FBLN7: variants seen among roughly 807,000 people sequenced by gnomAD.
The protein encoded by FBLN7 is fibulin 7, also known as fibulin-7.
FBLN7 carries 31 observed loss-of-function variants against 44.0 expected under a neutral mutation model. The observed-to-expected ratio is 0.70, with a 90% CI of 0.53 to 0.95. FBLN7 has a LOEUF of 0.95. Ranked by LOEUF, FBLN7 falls within the 40% of genes least tolerant of loss-of-function variation. The probability of loss-of-function intolerance (pLI) is 0.00; values close to 1 mark genes in which losing one functional copy is unlikely to be tolerated. For synonymous variants in FBLN7, 262 were observed against 253.4 expected (o/e 1.03, Z -0.32); for missense variants, 573 against 618.5 (o/e 0.93, Z 0.78).
At chr2:112,180,877 C>G (rs376844091) in intron 4 of FBLN7, among the ~76,000 whole-genome samples, 1 of 122,436 alleles carries the variant, frequency 8.2e-6, no homozygotes, top group Non-Finnish European at 1.6e-5. Flanking sequence ...GAGCGGAGAT[C>G]GTGCCACTGC....
At chr2:112,180,940 A>C (rs1682959389) in intron 4 of FBLN7, among the ~76,000 whole-genome samples, 1 of 150,964 alleles carries the variant, frequency 6.6e-6, no homozygotes. Flanking sequence ...AAAAAAAAAA[A>C]AAAAACGAAA....
At position 112,182,599 on chromosome 2, in the gene FBLN7, A is replaced by T. The variant is rs563908338; in HGVS notation, c.671-192A>T. On this transcript the variant is annotated intron_variant, in intron 5 of 7. Transcript: ENST00000331203. Reference sequence around the variant, plus strand: ...TTTTAGCCCTCTGGGCCCTCGGCTTAGGAGAAAGGGAAGCACACCTGCTCC... The same window carrying T: ...TTTTAGCCCTCTGGGCCCTCGGCTTTGGAGAAAGGGAAGCACACCTGCTCC... Among the ~76,000 whole-genome samples the T allele has an allele frequency of 7.3e-4, 111 of 152,250 alleles. 1 individual carries two copies. Among genetic ancestry groups the T allele is most frequent in the African/African-American group, 2.4e-3 (101 of 41,556 alleles).
chr2:112,224,808 G>A, the FBLN7 span, among the ~76,000 whole-genome samples: 2 of 152,210 alleles, frequency 1.3e-5, no homozygotes, highest in Admixed American at 1.3e-4. Flanking sequence ...GGATGCCTAA[G>A]GTCTGAGAGA....
chr2:112,177,728 AT>A (rs1474968944), intron 4 of FBLN7: 1 of 152,132 alleles, frequency 6.6e-6, no homozygotes, highest in Non-Finnish European at 1.5e-5. Flanking sequence ...GGTAATCACC[AT>A]TCATTCTTCT....
chr2:112,184,717 GTA>G (rs1183216060), intron 6 of FBLN7, among the ~76,000 whole-genome samples: 1 of 37,686 alleles, frequency 2.7e-5, no homozygotes, highest in East Asian at 5.6e-4. Context: ...TATGGTATAT[GTA>G]TATATATGTA....
chr2:112,236,045 C>A, the FBLN7 span, among the ~76,000 whole-genome samples: 1 of 151,806 alleles, frequency 6.6e-6, no homozygotes, highest in Non-Finnish European at 1.5e-5. Context: ...AGGTGGATCA[C>A]CTGAGGTCAG....
At chr2:112,195,354 G>A in the FBLN7 span, among the ~76,000 whole-genome samples, 7 of 152,262 alleles carry the variant, frequency 4.6e-5, no homozygotes, top group South Asian at 1.5e-3. Flanking sequence ...TCAGCCATGC[G>A]GTGGCACTTA....
intron 1 of FBLN7, among the ~76,000 whole-genome samples, chr2:112,156,459 T>C (rs1298607641): frequency 6.6e-6 from 1 of 152,196 alleles, no homozygotes; most frequent in African/African-American, 2.4e-5. Context: ...AGAAGCTCTT[T>C]GTAGACTGAA....
chr2:112,181,901 C>T (rs1683020130), intron 5 of FBLN7, 25 bp downstream of exon 5: 1 of 1,532,796 alleles, frequency 6.5e-7, no homozygotes, highest in Non-Finnish European at 8.7e-7. Flanking sequence ...CGCCAGGACA[C>T]TGGGGACAGC....
chr2:112,173,009 G>A (rs1183762663), intron 3 of FBLN7, among the ~76,000 whole-genome samples: 4 of 152,064 alleles, frequency 2.6e-5, no homozygotes, highest in African/African-American at 4.8e-5. Flanking sequence ...AATTTTCCAG[G>A]GCAAAGTCTT....
the FBLN7 span, among the ~76,000 whole-genome samples, chr2:112,205,800 T>C: frequency 6.6e-6 from 1 of 152,210 alleles, no homozygotes. Flanking sequence ...TGGACTATTC[T>C]AGTTCCTTTG....
At chr2:112,230,819 TTTGAGAACC>T in the FBLN7 span, 147 of 852,870 alleles carry the variant, frequency 1.7e-4, no homozygotes, top group Non-Finnish European at 2.1e-4. Context: ...AATACTTCTA[TTTGAGAACC>T]CTATTGAGGT....
downstream of FBLN7, among the ~76,000 whole-genome samples, chr2:112,191,422 C>T (rs796682851): frequency 6.5e-4 from 99 of 152,238 alleles, 1 homozygote; most frequent in African/African-American, 2.2e-3. Context: ...GTGGTCTGCC[C>T]GCCTCGGCCT....
intron 1 of FBLN7, among the ~76,000 whole-genome samples, chr2:112,145,325 G>A (rs1680851545): frequency 1.3e-5 from 2 of 151,944 alleles, no homozygotes; most frequent in Admixed American, 6.6e-5. Context: ...TTTTTGAGAT[G>A]GGGTCTTTCT....
At chr2:112,169,940 T>G (rs1265332403) in intron 3 of FBLN7, among the ~76,000 whole-genome samples, 1 of 151,934 alleles carries the variant, frequency 6.6e-6, no homozygotes, top group Non-Finnish European at 1.5e-5. Context: ...CAGACACTGT[T>G]TTAAGAAAAG....
chr2:112,141,840 G>A (rs769971130), intron 1 of FBLN7, among the ~76,000 whole-genome samples: 4 of 152,176 alleles, frequency 2.6e-5, no homozygotes, highest in East Asian at 1.9e-4. Flanking sequence ...AGGTGAGACC[G>A]AAGCACTTGT....
chr2:112,152,120 G>A (rs1681187617), intron 1 of FBLN7: 1 of 152,244 alleles, frequency 6.6e-6, no homozygotes, highest in Non-Finnish European at 1.5e-5. Context: ...ACTCACGAAG[G>A]TTCTCTGTGC....
At position 112,184,218 on chromosome 2, in the gene FBLN7, A is replaced by G. The variant is rs917017161; in HGVS notation, c.809-983A>G. ...TGGACTTCCCCCATGGAAACAGGACACAGAGGGGAGCCCCGCTGGCTCCAG... is the reference window on the plus strand; with the variant it reads ...TGGACTTCCCCCATGGAAACAGGACGCAGAGGGGAGCCCCGCTGGCTCCAG... On this transcript the variant is annotated intron_variant, in intron 6 of 7. Coordinates refer to ENST00000331203, the MANE Select transcript of FBLN7 (RefSeq NM_153214.3). Among the ~76,000 whole-genome samples the G allele has an allele frequency of 1.0e-3, 157 of 152,174 alleles. 1 individual carries two copies. Among genetic ancestry groups the G allele is most frequent in the Non-Finnish European group, 5.9e-4 (40 of 68,020 alleles).
chr2:112,231,811 CAA>C, the FBLN7 span: 3 of 1,428,690 alleles, frequency 2.1e-6, no homozygotes, highest in East Asian at 2.4e-5. Context: ...AAAGAAAAAA[CAA>C]AAGATTATTA....
Sources: allele counts gnomAD v4.1 joint callset (sites outside exome capture counted in the v4.1 genomes callset), GRCh38; gene constraint gnomAD v4.1.1; transcripts MANE v1.5; gene names NCBI Gene and HGNC (gene_info 2026-07-23, HGNC 2026-07-21).